Variants in KCTD1 observed in about 807,000 individuals in gnomAD.
The protein encoded by KCTD1 is BTB/POZ domain-containing protein KCTD1.
In KCTD1, 24 loss-of-function variants were observed where a neutral mutation model predicts 66.0. The observed-to-expected ratio is 0.36, with a 90% CI of 0.26 to 0.51. The LOEUF (loss-of-function observed/expected upper bound fraction) is 0.51, where lower values mean the gene tolerates loss of function less well. Among genes scored for constraint, KCTD1 ranks in the 20% least tolerant of loss-of-function variants. KCTD1 has a pLI of 0.95. For synonymous variants in KCTD1, 511 were observed against 517.2 expected, an observed-to-expected ratio of 0.99 and a Z score of 0.16; for missense variants, 943 against 1,205.2, an observed-to-expected ratio of 0.78 and a Z score of 3.22.
chr18:26,475,051 T>G (rs1981268323), intron 3 of KCTD1, among the ~76,000 whole-genome samples: 3 of 152,170 alleles, frequency 2.0e-5, no homozygotes, highest in Admixed American at 2.0e-4. Flanking sequence ...TACATCAAAT[T>G]CCTATGCACC....
At chr18:26,635,425 C>A (rs73407303) in intron 1 of KCTD1, among the ~76,000 whole-genome samples, 282 of 152,360 alleles carry the variant, frequency 1.9e-3, no homozygotes, top group African/African-American at 6.0e-3. Flanking sequence ...CAAGTTGAAT[C>A]CCCAGACCTG....
chr18:26,613,787 C>T (rs1292269383), intron 1 of KCTD1, among the ~76,000 whole-genome samples: 1 of 152,198 alleles, frequency 6.6e-6, no homozygotes, highest in Non-Finnish European at 1.5e-5. Context: ...GTGCTGAAAA[C>T]ATAATTTCAT....
At chr18:26,485,705 G>A (rs1468964) in intron 2 of KCTD1, among the ~76,000 whole-genome samples, 124,385 of 151,934 alleles carry the variant, frequency 0.82, 51,963 homozygotes, top group East Asian at 0.97. Context: ...GCAAGCATGA[G>A]CATATGCACA....
intron 1 of KCTD1, among the ~76,000 whole-genome samples, chr18:26,610,389 C>T (rs908656569): frequency 2.6e-5 from 4 of 151,988 alleles, no homozygotes; most frequent in Admixed American, 6.6e-5. Context: ...CCTGGGTAAC[C>T]GTGTGAGACC....
intron 1 of KCTD1, among the ~76,000 whole-genome samples, chr18:26,522,090 C>T (rs1983940316): frequency 6.6e-6 from 1 of 152,210 alleles, no homozygotes; most frequent in African/African-American, 2.4e-5. Flanking sequence ...ACAGACTACA[C>T]TCATGTTGTG....
At chr18:26,472,251 G>T (rs1267663035) in intron 3 of KCTD1, among the ~76,000 whole-genome samples, 3 of 152,056 alleles carry the variant, frequency 2.0e-5, no homozygotes, top group Non-Finnish European at 1.5e-5. Context: ...TAAACATGAG[G>T]TGATTTTCAT....
At position 26,634,670 on chromosome 18, in the gene KCTD1, A is replaced by T. The variant is rs921746466; in HGVS notation, c.-106-5433T>A. ...GCTGTCAATCTTGTAGATATTTTAAATTTGGATTAAACTAGAACTTCAGAG... is the reference window on the plus strand; with the variant it reads ...GCTGTCAATCTTGTAGATATTTTAATTTTGGATTAAACTAGAACTTCAGAG... On this transcript the variant is annotated intron_variant, in intron 1 of 5. Coordinates refer to the KCTD1 transcript ENST00000579973. 5.9e-5 allele frequency among the ~76,000 whole-genome samples: 9 copies of T among 152,340 alleles called. No homozygotes were observed. In the South Asian group the frequency reaches 1.7e-3, roughly 28 times the overall value.
intron 2 of KCTD1, among the ~76,000 whole-genome samples, chr18:26,490,042 T>G (rs1982114039): frequency 6.6e-6 from 1 of 152,228 alleles, no homozygotes; most frequent in Non-Finnish European, 1.5e-5. Flanking sequence ...TATTCATGAC[T>G]GATCAAAAAC....
chr18:26,620,126 G>A (rs1281279605), intron 1 of KCTD1, among the ~76,000 whole-genome samples: 1 of 151,952 alleles, frequency 6.6e-6, no homozygotes, highest in Non-Finnish European at 1.5e-5. Flanking sequence ...TATTTTTTCT[G>A]TCTCATAATC....
chr18:26,595,236 G>A (rs1355682218), intron 1 of KCTD1, among the ~76,000 whole-genome samples: 1 of 152,164 alleles, frequency 6.6e-6, no homozygotes, highest in Non-Finnish European at 1.5e-5. Context: ...TAGGTCCTGA[G>A]CATCACCATA....
At chr18:26,627,842 A>C (rs949515969) in intron 1 of KCTD1, among the ~76,000 whole-genome samples, 3 of 152,186 alleles carry the variant, frequency 2.0e-5, no homozygotes, top group Non-Finnish European at 4.4e-5. Context: ...CTCTTAATAG[A>C]AGCCATGACT....
chr18:26,512,957 G>T (rs1983415104), intron 1 of KCTD1, among the ~76,000 whole-genome samples: 1 of 151,824 alleles, frequency 6.6e-6, no homozygotes, highest in Non-Finnish European at 1.5e-5. Context: ...CTCCAGCCTG[G>T]GCAACGCAGA....
intron 4 of KCTD1, chr18:26,457,622 T>C (rs548888128): frequency 1.3e-5 from 2 of 152,360 alleles, no homozygotes; most frequent in Non-Finnish European, 2.9e-5. Context: ...CAATGTTACC[T>C]TGGATGTGGT....
chr18:26,600,334 G>A (rs1368691888), intron 1 of KCTD1: 9 of 1,473,226 alleles, frequency 6.1e-6, no homozygotes, highest in Admixed American at 1.7e-5. Context: ...CAATCTTCAT[G>A]ATGCCTAGGA....
chr18:26,551,785 A>G (rs1985575462), upstream of KCTD1, among the ~76,000 whole-genome samples: 1 of 152,220 alleles, frequency 6.6e-6, no homozygotes, highest in African/African-American at 2.4e-5. Flanking sequence ...TTCCAAAATG[A>G]AAGAATCAAA....
chr18:26,501,309 T>C, intron 1 of KCTD1, 59 bp from the exon 2 acceptor site: 1 of 1,412,938 alleles, frequency 7.1e-7, no homozygotes, highest in Non-Finnish European at 9.8e-7. Context: ...AGATAGGAAA[T>C]ACATATAGCA....
intron 2 of KCTD1, among the ~76,000 whole-genome samples, chr18:26,495,412 C>A (rs4340399): frequency 0.7 from 106,337 of 152,004 alleles, 37,601 homozygotes; most frequent in African/African-American, 0.72. Flanking sequence ...AATGGCTAAC[C>A]CATCCGAGAA....
chr18:26,525,522 C>T (rs1984115189), intron 1 of KCTD1, among the ~76,000 whole-genome samples: 1 of 152,144 alleles, frequency 6.6e-6, no homozygotes, highest in South Asian at 2.1e-4. Context: ...CAAAGATTTT[C>T]CAAAACCTTT....
At chr18:26,519,114 C>G (rs1314952949) in intron 1 of KCTD1, among the ~76,000 whole-genome samples, 1 of 152,144 alleles carries the variant, frequency 6.6e-6, no homozygotes, top group Non-Finnish European at 1.5e-5. Context: ...AATTCTATCT[C>G]AATTAAGACA....
Sources: allele counts gnomAD v4.1 joint callset (sites outside exome capture counted in the v4.1 genomes callset), GRCh38; gene constraint gnomAD v4.1.1; transcripts MANE v1.5; gene names NCBI Gene and HGNC (gene_info 2026-07-23, HGNC 2026-07-21).